The following DLGAP2 variants were observed in gnomAD, a reference collection of about 807,000 sequenced individuals.
DLGAP2 encodes the protein disks large-associated protein 2.
In DLGAP2, 26 loss-of-function variants were observed where a neutral mutation model predicts 100.3. That is an observed-to-expected ratio of 0.26 (90% CI 0.19 to 0.36). The LOEUF is 0.36. Ranked by LOEUF, DLGAP2 falls within the 10% of genes least tolerant of loss-of-function variation. The pLI is 1.00. For synonymous variants in DLGAP2, 886 were observed against 630.1 expected (o/e 1.41, Z -6.08); for missense variants, 1,858 against 1,453.2 (o/e 1.28, Z -4.53).
chr8:744,819 T>C lies in DLGAP2; in HGVS notation c.18+6994T>C, dbSNP rs535628884. Among the ~76,000 whole-genome samples the C allele has an allele frequency of 5.0e-4, 76 of 152,322 alleles. 1 individual carries two copies. The South Asian group carries it at 0.015, about 29-fold the overall frequency. ...TCATTCCGTCCTTTCCTCATGTCTG[T>C]TCTCTCAAACCTAGTTGGAATGCTG... On this transcript the variant is annotated intron_variant, in intron 1 of 14. Transcript: ENST00000637795.
intron 6 of DLGAP2, among the ~76,000 whole-genome samples, chr8:1,587,251 C>T (rs1316332873): frequency 6.6e-6 from 1 of 152,176 alleles, no homozygotes; most frequent in South Asian, 2.1e-4. Context: ...AAATAACTTT[C>T]TTAGGAGATT....
intron 1 of DLGAP2, among the ~76,000 whole-genome samples, chr8:744,898 C>G (rs925706129): frequency 4.8e-4 from 73 of 152,342 alleles, no homozygotes; most frequent in African/African-American, 1.7e-3. Flanking sequence ...CCGAATTCCT[C>G]GCTTGGACTG....
intron 1 of DLGAP2, among the ~76,000 whole-genome samples, chr8:905,456 C>T (rs972814618): frequency 1.3e-5 from 2 of 152,154 alleles, no homozygotes; most frequent in African/African-American, 2.4e-5. Context: ...CGATTCCCCC[C>T]CCACAGCCCT....
intron 4 of DLGAP2, among the ~76,000 whole-genome samples, chr8:1,503,140 A>C (rs949550183): frequency 6.6e-6 from 1 of 152,216 alleles, no homozygotes; most frequent in Admixed American, 6.5e-5. Context: ...TTGTAGGGAC[A>C]GAAAGCATTT....
intron 2 of DLGAP2, among the ~76,000 whole-genome samples, chr8:1,222,659 G>A (rs1458817310): frequency 6.6e-6 from 1 of 151,952 alleles, no homozygotes; most frequent in Non-Finnish European, 1.5e-5. Context: ...GGCTGCTGGT[G>A]GGTGCATGCT....
intron 3 of DLGAP2, among the ~76,000 whole-genome samples, chr8:1,280,162 C>T (rs776935071): frequency 3.9e-5 from 6 of 152,156 alleles, no homozygotes; most frequent in Admixed American, 6.6e-5. Context: ...TCATTCATTC[C>T]TGATGGTTTT....
intron 1 of DLGAP2, among the ~76,000 whole-genome samples, chr8:887,913 T>C (rs1409083975): frequency 6.6e-6 from 1 of 152,212 alleles, no homozygotes; most frequent in East Asian, 1.9e-4. Flanking sequence ...ATTCCTAGCA[T>C]GTTGGCCTGT....
intron 2 of DLGAP2, among the ~76,000 whole-genome samples, chr8:1,254,898 C>G (rs13264720): frequency 0.21 from 17,172 of 82,450 alleles, 2,361 homozygotes; most frequent in African/African-American, 0.41. Context: ...CGTGCTGTGT[C>G]TGTGCTCTCT....
intron 3 of DLGAP2, among the ~76,000 whole-genome samples, chr8:1,325,046 C>T (rs1353101536): frequency 2.0e-5 from 3 of 152,214 alleles, no homozygotes; most frequent in East Asian, 1.9e-4. Flanking sequence ...GACCTCTCAA[C>T]CTGAACCGAT....
intron 2 of DLGAP2, among the ~76,000 whole-genome samples, chr8:1,222,234 G>A (rs993104075): frequency 5.3e-5 from 8 of 152,156 alleles, no homozygotes; most frequent in Non-Finnish European, 1.0e-4. Context: ...CTTTGACATC[G>A]CTATCTTTTG....
intron 2 of DLGAP2, among the ~76,000 whole-genome samples, chr8:922,175 G>T (rs1014707418): frequency 6.6e-6 from 1 of 152,226 alleles, no homozygotes; most frequent in Non-Finnish European, 1.5e-5. Flanking sequence ...GAAGTTGGTG[G>T]AGGCTGTGTA....
At chr8:971,057 T>C (rs983624484) in intron 2 of DLGAP2, among the ~76,000 whole-genome samples, 17 of 152,192 alleles carry the variant, frequency 1.1e-4, no homozygotes, top group Admixed American at 1.1e-3. Context: ...AATGGTAACT[T>C]GAAAACCTGG....
At chr8:879,948 T>C (rs1797756010) in intron 1 of DLGAP2, among the ~76,000 whole-genome samples, 1 of 152,202 alleles carries the variant, frequency 6.6e-6, no homozygotes, top group Non-Finnish European at 1.5e-5. Flanking sequence ...CTTAACCATA[T>C]CCCTCGAGTC....
chr8:1,391,955 A>G (rs570933996), intron 3 of DLGAP2, among the ~76,000 whole-genome samples: 46 of 151,514 alleles, frequency 3.0e-4, no homozygotes, highest in African/African-American at 1.1e-3. Flanking sequence ...AAAATAACCC[A>G]TTGTTGTGAT....
At chr8:1,142,258 G>T (rs1327325998) in intron 2 of DLGAP2, among the ~76,000 whole-genome samples, 1 of 152,106 alleles carries the variant, frequency 6.6e-6, no homozygotes, top group Non-Finnish European at 1.5e-5. Flanking sequence ...TTCACCAACA[G>T]AATGAAGGGT....
At chr8:759,520 C>T (rs1487316901) in intron 1 of DLGAP2, among the ~76,000 whole-genome samples, 5 of 151,606 alleles carry the variant, frequency 3.3e-5, no homozygotes, top group African/African-American at 1.2e-4. Flanking sequence ...CTGGGCTGCA[C>T]ATTCCTGGGG....
At chr8:1,044,743 T>C (rs1265314508) in intron 2 of DLGAP2, among the ~76,000 whole-genome samples, 2 of 152,220 alleles carry the variant, frequency 1.3e-5, no homozygotes, top group Non-Finnish European at 2.9e-5. Flanking sequence ...GCTCCCTGTG[T>C]CTGTGCCTGT....
At chr8:1,360,252 C>CTTCTCCGGGGT in intron 3 of DLGAP2, among the ~76,000 whole-genome samples, 1 of 45,130 alleles carries the variant, frequency 2.2e-5, no homozygotes, top group East Asian at 4.8e-4. Context: ...TTCTCCGGGG[C>CTTCTCCGGGGT]GGGGCTTCTC....
At chr8:1,098,788 CCGCCCACGGA>C (rs1804484005) in intron 2 of DLGAP2, among the ~76,000 whole-genome samples, 1 of 130,704 alleles carries the variant, frequency 7.7e-6, no homozygotes, top group Non-Finnish European at 1.7e-5. Context: ...AGGCTCCCGG[CCGCCCACGGA>C]CGCCGCCACC....
Sources: allele counts gnomAD v4.1 joint callset (sites outside exome capture counted in the v4.1 genomes callset), GRCh38; gene constraint gnomAD v4.1.1; transcripts MANE v1.5; gene names NCBI Gene and HGNC (gene_info 2026-07-23, HGNC 2026-07-21).